Variants in PGCKA1 observed in about 807,000 individuals in gnomAD.
PGCKA1 encodes the protein PDCD10 and GCKIII kinases associated 1.
At chr4:37,547,681 C>G in the PGCKA1 span, among the ~76,000 whole-genome samples, 5 of 152,052 alleles carry the variant, frequency 3.3e-5, no homozygotes, top group Non-Finnish European at 5.9e-5. Flanking sequence ...GACAATTACA[C>G]CTGGTTTTAG....
At chr4:37,479,992 T>C in the PGCKA1 span, among the ~76,000 whole-genome samples, 2 of 152,166 alleles carry the variant, frequency 1.3e-5, no homozygotes, top group Admixed American at 6.5e-5. Context: ...GAAGTATTTA[T>C]AAAATAAAAG....
At chr4:37,546,813 A>G in the PGCKA1 span, among the ~76,000 whole-genome samples, 1 of 152,352 alleles carries the variant, frequency 6.6e-6, no homozygotes, top group South Asian at 2.1e-4. Flanking sequence ...GCTCCCAGGT[A>G]GGCAATTGCC....
the PGCKA1 span, among the ~76,000 whole-genome samples, chr4:37,544,857 T>C: frequency 6.6e-6 from 1 of 151,938 alleles, no homozygotes; most frequent in Non-Finnish European, 1.5e-5. Context: ...TTCTGTTTTT[T>C]GTTTTTTTGT....
At chr4:37,575,081 A>G in the PGCKA1 span, among the ~76,000 whole-genome samples, 1 of 152,146 alleles carries the variant, frequency 6.6e-6, no homozygotes, top group African/African-American at 2.4e-5. Flanking sequence ...GTATCTCTTC[A>G]ATACAGTGAT....
At chr4:37,522,261 G>A in the PGCKA1 span, among the ~76,000 whole-genome samples, 6 of 152,268 alleles carry the variant, frequency 3.9e-5, no homozygotes, top group East Asian at 1.2e-3. Flanking sequence ...GTGTTCTATT[G>A]TACTGTGGCT....
At chr4:37,543,335 C>G in the PGCKA1 span, among the ~76,000 whole-genome samples, 1 of 152,170 alleles carries the variant, frequency 6.6e-6, no homozygotes, top group African/African-American at 2.4e-5. Context: ...AATTTTATAA[C>G]TGTGTAAATA....
At chr4:37,590,786 A>AG in the PGCKA1 span, 1 of 1,614,074 alleles carries the variant, frequency 6.2e-7, no homozygotes, top group Non-Finnish European at 8.5e-7. Flanking sequence ...TCATTGAATG[A>AG]GGATGTGGAA....
the PGCKA1 span, among the ~76,000 whole-genome samples, chr4:37,569,704 C>T: frequency 3.9e-5 from 6 of 152,120 alleles, no homozygotes; most frequent in Admixed American, 1.3e-4. Context: ...AGTTCTGTAG[C>T]CCAATAATGT....
chr4:37,453,832 T>C, the PGCKA1 span: 2 of 152,172 alleles, frequency 1.3e-5, no homozygotes, highest in African/African-American at 4.8e-5. Flanking sequence ...GGCGTGCAGG[T>C]AAAGGGTTAC....
the PGCKA1 span, chr4:37,584,327 C>T: frequency 7.1e-3 from 1,082 of 152,380 alleles, 16 homozygotes; most frequent in African/African-American, 0.025. Context: ...AGGACAGAAC[C>T]TCTAACCAGG....
At chr4:37,522,581 A>T in the PGCKA1 span, among the ~76,000 whole-genome samples, 1 of 151,962 alleles carries the variant, frequency 6.6e-6, no homozygotes, top group Non-Finnish European at 1.5e-5. Context: ...CTCTATGGCC[A>T]TGCTAGTACC....
chr4:37,475,328 T>G, the PGCKA1 span, among the ~76,000 whole-genome samples: 1 of 152,026 alleles, frequency 6.6e-6, no homozygotes, highest in African/African-American at 2.4e-5. Flanking sequence ...CAGCACAAAA[T>G]TAATAAAAGT....
At chr4:37,513,392 C>G in the PGCKA1 span, among the ~76,000 whole-genome samples, 6 of 152,188 alleles carry the variant, frequency 3.9e-5, no homozygotes, top group African/African-American at 1.4e-4. Context: ...GACCAAGACT[C>G]AGGTTCTGAC....
chr4:37,552,689 T>TA, the PGCKA1 span, among the ~76,000 whole-genome samples: 2 of 152,232 alleles, frequency 1.3e-5, no homozygotes, highest in East Asian at 1.9e-4. Flanking sequence ...GGCTTTTTTT[T>TA]ATCTCATCAT....
chr4:37,555,212 G>C, the PGCKA1 span, among the ~76,000 whole-genome samples: 1 of 152,196 alleles, frequency 6.6e-6, no homozygotes, highest in Non-Finnish European at 1.5e-5. Context: ...GGTAGGGCAA[G>C]TAGGGCGTTC....
the PGCKA1 span, among the ~76,000 whole-genome samples, chr4:37,526,051 A>G: frequency 6.6e-6 from 1 of 152,224 alleles, no homozygotes; most frequent in Non-Finnish European, 1.5e-5. Flanking sequence ...ACTGTTTATG[A>G]TGTAGTAAAT....
chr4:37,453,377 T>A, the PGCKA1 span, among the ~76,000 whole-genome samples: 1 of 152,034 alleles, frequency 6.6e-6, no homozygotes, highest in Admixed American at 6.5e-5. Context: ...GCCTTTAGGG[T>A]GCAGGCGAGT....
chr4:37,466,805 T>A, the PGCKA1 span, among the ~76,000 whole-genome samples: 3 of 152,124 alleles, frequency 2.0e-5, no homozygotes, highest in Non-Finnish European at 4.4e-5. Context: ...CATCAACATA[T>A]ACAATATGTA....
the PGCKA1 span, among the ~76,000 whole-genome samples, chr4:37,559,439 T>A: frequency 9.0e-6 from 1 of 111,026 alleles, no homozygotes; most frequent in Non-Finnish European, 1.7e-5. Context: ...CTCTGGGGAC[T>A]GTTGTGGGGT....
Sources: gnomAD v4.1 joint callset for allele counts (sites outside exome capture counted in the v4.1 genomes callset) on GRCh38, gnomAD v4.1.1 for gene constraint, MANE v1.5 for transcripts, NCBI Gene and HGNC (gene_info 2026-07-23, HGNC 2026-07-21) for gene names.